OSBPL1A: variants seen among roughly 807,000 people sequenced by gnomAD.
OSBPL1A encodes oxysterol-binding protein-related protein 1.
In OSBPL1A, 80 loss-of-function variants were observed where a neutral mutation model predicts 137.1. The ratio of observed to expected loss-of-function variants is 0.58; its 90% CI spans 0.49 to 0.70. The LOEUF (loss-of-function observed/expected upper bound fraction) is 0.70, where lower values mean the gene tolerates loss of function less well. Ranked by LOEUF, OSBPL1A falls within the 30% of genes least tolerant of loss-of-function variation. The probability of loss-of-function intolerance (pLI) is 0.00; values close to 1 mark genes in which losing one functional copy is unlikely to be tolerated. For missense variants in OSBPL1A, 970 were observed against 1,129.4 expected (o/e 0.86, Z 2.02); for synonymous variants, 365 against 389.7 (o/e 0.94, Z 0.75).
chr18:24,227,297 A>C (rs903599330), intron 16 of OSBPL1A, among the ~76,000 whole-genome samples: 5 of 152,192 alleles, frequency 3.3e-5, no homozygotes, highest in African/African-American at 9.6e-5. Context: ...AAAACAACCT[A>C]AATAGTCAAT....
Position 24,277,228 on chromosome 18 carries a change from C to A in OSBPL1A, c.1281+3614G>T, listed in dbSNP as rs111807243. On this transcript the variant is annotated intron_variant, in intron 15 of 27. Transcript: ENST00000319481. The stretch of plus-strand genomic sequence containing the variant: ...AAGGCACAGAATAATTATTGACATA[C>A]AAAAGGCCAATCTTGAGACACCTAG... Among the ~76,000 whole-genome samples, 943 of 151,578 alleles carry A rather than the reference C, an allele frequency of 6.2e-3. 12 individuals carry two copies. Among genetic ancestry groups the A allele is most frequent in the African/African-American group, 0.022 (904 of 41,346 alleles).
chr18:24,310,551 G>A (rs1377229394), intron 13 of OSBPL1A, among the ~76,000 whole-genome samples: 1 of 140,550 alleles, frequency 7.1e-6, no homozygotes, highest in African/African-American at 2.7e-5. Context: ...GCAGTGAGCC[G>A]AGATCGCGCC....
Position 24,162,149 on chromosome 18 carries a change from C to G in OSBPL1A, c.*1030G>C, listed in dbSNP as rs2145896494. ...ATTAAAATCACGGACTGGCAGCTAC[C>G]TAGGCCCCTGGGAGCAGTATCTCAG... On this transcript the variant is annotated 3_prime_UTR_variant, in exon 28 of 28. Coordinates refer to ENST00000319481, the MANE Select transcript of OSBPL1A (RefSeq NM_080597.4). 1 of 152,348 alleles carries G rather than the reference C, an allele frequency of 6.6e-6. No individual in the cohort carries two copies. Among genetic ancestry groups the G allele is most frequent in the South Asian group, 2.1e-4 (1 of 4,826 alleles). 9.4% of individuals were successfully genotyped at this position (152,348 alleles called of 1,614,324 possible).
chr18:24,258,984 C>G (rs528682667), intron 15 of OSBPL1A, among the ~76,000 whole-genome samples: 8 of 129,382 alleles, frequency 6.2e-5, no homozygotes, highest in African/African-American at 2.4e-4. Flanking sequence ...TGTCGCCAGG[C>G]TGGAGTGCAG....
At chr18:24,366,374 C>T (rs1335891989) in intron 4 of OSBPL1A, 1 of 152,046 alleles carries the variant, frequency 6.6e-6, no homozygotes, top group Non-Finnish European at 1.5e-5. Flanking sequence ...GCCATTTCCC[C>T]TTCAGCCCCT....
At position 24,303,715 on chromosome 18, in the gene OSBPL1A, C is replaced by G; in HGVS notation, c.1096G>C (p.Ala366Pro). Residue 366 changes from alanine (A) to proline (P), a missense_variant, in exon 14 of 28, where the codon GCA (alanine) becomes CCA (proline). By Grantham distance (27) the Ala-to-Pro change is conservative. Around this residue, in one of 2 missense-constraint regions of OSBPL1A, gnomAD observed 647 missense variants for 672.6 expected, o/e 0.96. Transcript: ENST00000319481. ...TCTAGTCGCTGTTGGCATGACTGTG[C>G]TTTCTGCAAAAAAAGAAAAGACAAA... ...AADLKKSLEKAQSCQQRLDRE... is the reference protein window; with the variant it reads ...AADLKKSLEKPQSCQQRLDRE... The G allele has an allele frequency of 6.2e-7, 1 of 1,611,758 alleles. No individual in the cohort carries two copies. Among genetic ancestry groups the G allele is most frequent in the Non-Finnish European group, 8.5e-7 (1 of 1,178,942 alleles).
chr18:24,390,466 G>GTGAT (rs1279810687), intron 1 of OSBPL1A, among the ~76,000 whole-genome samples: 2 of 152,236 alleles, frequency 1.3e-5, no homozygotes, highest in East Asian at 3.9e-4. Context: ...GCCAAGGCAG[G>GTGAT]CGATCACTTG....
rs199563115 is a variant in OSBPL1A, at chr18:24,164,420, G to GGTTTTTTTTTTTTTTTTTTTTT, written c.2750+644_2750+645insAAAAAAAAAAAAAAAAAAAAAC. Among the ~76,000 whole-genome samples the GGTTTTTTTTTTTTTTTTTTTTT allele has an allele frequency of 7.3e-5, 7 of 95,972 alleles. 2 individuals carry two copies. The highest frequency in any genetic ancestry group is 3.8e-5 in the Non-Finnish European group (2 of 52,492). 63.0% of individuals were successfully genotyped at this position (95,972 alleles called of 152,430 possible). A position where few individuals can be genotyped will look rare whatever the true frequency, so the allele number is the denominator to read the frequency against. On this transcript the variant is annotated intron_variant, in intron 27 of 27. Coordinates refer to ENST00000319481, the MANE Select transcript of OSBPL1A (RefSeq NM_080597.4). ...ATGGAAAACAGTATGGAGATTTTTG[G>GGTTTTTTTTTTTTTTTTTTTTT]TTTTTTTTTTTTTTTTTTTTTTTTT...
chr18:24,294,992 T>C (rs774969371), intron 14 of OSBPL1A, among the ~76,000 whole-genome samples: 1 of 152,246 alleles, frequency 6.6e-6, no homozygotes, highest in Non-Finnish European at 1.5e-5. Flanking sequence ...ATCTCCATAC[T>C]GTTCTCCATA....
At chr18:24,385,479 C>T (rs1906902720) in intron 1 of OSBPL1A, among the ~76,000 whole-genome samples, 1 of 151,982 alleles carries the variant, frequency 6.6e-6, no homozygotes, top group Non-Finnish European at 1.5e-5. Context: ...AATGAGAACC[C>T]TCAATGGGAG....
chr18:24,358,625 C>T, intron 4 of OSBPL1A: 1 of 664,034 alleles, frequency 1.5e-6, no homozygotes, highest in Non-Finnish European at 2.7e-6. Context: ...AATACATAAA[C>T]ATGAGAAATG....
At position 24,163,257 on chromosome 18, in the gene OSBPL1A, G is replaced by C. The variant is rs2086060922; in HGVS notation, c.2775C>G (p.Pro925=). 6.2e-7 allele frequency: 1 copy of C among 1,612,918 alleles called. No homozygotes were observed. Among genetic ancestry groups the C allele is most frequent in the South Asian group, 1.1e-5 (1 of 90,794 alleles). The change falls in exon 28 of 28, where the codon CCC becomes CCG. Residue 925 remains proline, a synonymous_variant. Transcript: ENST00000319481. ...KTRWFHQGPN[P]YNGAQDWIYS... ...AAATCCAGTCCTGTGCTCCATTGTA[G>C]GGATTAGGACCTTGATGGAACCACC... is the stretch of plus-strand genomic sequence containing the variant.
Position 24,165,146 on chromosome 18 carries a change from C to T in OSBPL1A, c.2669G>A (p.Ser890Asn). The change falls in exon 27 of 28, where the codon AGT becomes AAT. Residue 890 changes from serine to asparagine, a missense_variant. Around this residue, in one of 2 missense-constraint regions of OSBPL1A, gnomAD observed 323 missense variants for 456.8 expected, o/e 0.71. Transcript: ENST00000319481. ...AMENGEIDQA[S>N]EEKKRLEEKQ... Reference sequence around the variant, plus strand: ...TTCCTCAAGTCGTTTTTTTTCTTCACTAGCTTGATCTAAAATAAGAACATC... The same window carrying T: ...TTCCTCAAGTCGTTTTTTTTCTTCATTAGCTTGATCTAAAATAAGAACATC... 6.3e-7 allele frequency: 1 copy of T among 1,577,254 alleles called. No individual in the cohort carries two copies. Among genetic ancestry groups the T allele is most frequent in the Non-Finnish European group, 8.7e-7 (1 of 1,155,394 alleles).
intron 4 of OSBPL1A, among the ~76,000 whole-genome samples, chr18:24,350,186 A>G (rs1226471358): frequency 1.3e-5 from 2 of 152,146 alleles, no homozygotes; most frequent in African/African-American, 4.8e-5. Context: ...GAAGTCTCAT[A>G]TAACAGCCTC....
chr18:24,276,727 A>C (rs568964808), intron 15 of OSBPL1A, among the ~76,000 whole-genome samples: 1 of 152,278 alleles, frequency 6.6e-6, no homozygotes, highest in South Asian at 2.1e-4. Flanking sequence ...TGCTGGGATT[A>C]CAGGCATGAG....
intron 16 of OSBPL1A, among the ~76,000 whole-genome samples, chr18:24,228,701 G>A (rs543133363): frequency 6.6e-6 from 1 of 152,314 alleles, no homozygotes; most frequent in South Asian, 2.1e-4. Context: ...GGAAAGAACT[G>A]TGGCTGATGA....
At chr18:24,362,196 A>T (rs575930593) in intron 4 of OSBPL1A, among the ~76,000 whole-genome samples, 2 of 150,698 alleles carry the variant, frequency 1.3e-5, no homozygotes, top group South Asian at 4.2e-4. Flanking sequence ...GTAGAAATAG[A>T]TGACAATAGA....
rs536684937 is a variant in OSBPL1A at position 24,217,624 on chromosome 18, T to C, written c.1601+7418A>G. 2.0e-5 allele frequency among the ~76,000 whole-genome samples: 3 copies of C among 152,244 alleles called. No individual in the cohort carries two copies. In the South Asian group the frequency reaches 6.2e-4, roughly 32 times the overall value. On this transcript the variant is annotated intron_variant, in intron 17 of 27. Transcript: ENST00000319481. ...GAGTGACAGAATTGAAAGACTACTGTTTTGCAGCACCTAAAGAAATAAAGA... is the reference window on the plus strand; with the variant it reads ...GAGTGACAGAATTGAAAGACTACTGCTTTGCAGCACCTAAAGAAATAAAGA...
At chr18:24,232,148 A>G (rs1248271283) in intron 16 of OSBPL1A, among the ~76,000 whole-genome samples, 4 of 152,246 alleles carry the variant, frequency 2.6e-5, no homozygotes, top group African/African-American at 9.6e-5. Flanking sequence ...ATTTTTATTT[A>G]GCCTTGAGGT....
Sources: gnomAD v4.1 joint callset for allele counts (sites outside exome capture counted in the v4.1 genomes callset) on GRCh38, gnomAD v4.1.1 for gene constraint, gnomAD v4.1.1 regional missense constraint, MANE v1.5 for transcripts, NCBI Gene and HGNC (gene_info 2026-07-23, HGNC 2026-07-21) for gene names.